The following IL6ST variants were observed in gnomAD, a reference collection of about 807,000 sequenced individuals.
The protein encoded by IL6ST is interleukin 6 cytokine family signal transducer.
Under a neutral mutation model 91.3 loss-of-function variants are expected in IL6ST, and 24 were observed. That is an observed-to-expected ratio of 0.26 (90% CI 0.19 to 0.37). The LOEUF (loss-of-function observed/expected upper bound fraction) is 0.37. Ranked by LOEUF, IL6ST falls within the 10% of genes least tolerant of loss-of-function variation. IL6ST has a pLI of 1.00. For missense variants in IL6ST, 914 were observed against 1,078.5 expected, an observed-to-expected ratio of 0.85 and a Z score of 2.14; for synonymous variants, 351 against 373.6, an observed-to-expected ratio of 0.94 and a Z score of 0.70.
rs568278913 is a variant in IL6ST, at chr5:55,980,404, G to T, written c.-16+2320C>A. 1.6e-3 allele frequency among the ~76,000 whole-genome samples: 247 copies of T among 152,234 alleles called. 1 individual carries two copies. Among genetic ancestry groups the T allele is most frequent in the Non-Finnish European group, 1.1e-3 (72 of 68,022 alleles). On this transcript the variant is annotated intron_variant, in intron 2 of 16. Coordinates refer to ENST00000381298, the MANE Select transcript of IL6ST (RefSeq NM_002184.4). Reference sequence around the variant, plus strand: ...GTCCATACTAAAAATACAAAAAGTAGCTGGGCGTGGTGGTGGGCACCTGTA... The same window carrying T: ...GTCCATACTAAAAATACAAAAAGTATCTGGGCGTGGTGGTGGGCACCTGTA...
chr5:55,967,425 A>G (rs1307169333), intron 5 of IL6ST, among the ~76,000 whole-genome samples: 1 of 151,940 alleles, frequency 6.6e-6, no homozygotes. Context: ...AATAGAACCT[A>G]TAATTTAAGA....
intron 3 of IL6ST, among the ~76,000 whole-genome samples, chr5:55,973,035 G>GA (rs1283687471): frequency 1.3e-5 from 2 of 149,384 alleles, no homozygotes; most frequent in East Asian, 3.9e-4. Context: ...AAAAAAAAAA[G>GA]AATATACTAT....
chr5:55,990,005 A>T (rs950082015), intron 1 of IL6ST, among the ~76,000 whole-genome samples: 4 of 152,200 alleles, frequency 2.6e-5, no homozygotes, highest in African/African-American at 9.7e-5. Flanking sequence ...AAACAAAAAA[A>T]GACTGAGCAG....
At chr5:55,947,753 C>A (rs980113901) in intron 14 of IL6ST, among the ~76,000 whole-genome samples, 164 bp from the exon 15 acceptor site, 4 of 151,870 alleles carry the variant, frequency 2.6e-5, no homozygotes, top group African/African-American at 9.7e-5. Context: ...TGATTTTTAC[C>A]CTCTTCTCTC....
rs1162645855 is a variant in IL6ST at position 55,941,704 on chromosome 5, T to C, written c.2135A>G (p.Asp712Gly). The C allele has an allele frequency of 6.2e-7, 1 of 1,614,040 alleles. No individual in the cohort carries two copies. Residue 712 changes from aspartate to glycine, a missense_variant, in exon 17 of 17, where the codon GAC becomes GGC. Physicochemically the swap from Asp to Gly is moderately conservative, Grantham distance 94. Transcript: ENST00000381298. ...ATTAATTTTTTCCTTTTTGAACAGGTCCAATGATTTCAGATCTTCTGGAAA... is the reference window on the plus strand; with the variant it reads ...ATTAATTTTTTCCTTTTTGAACAGGCCCAATGATTTCAGATCTTCTGGAAA... ...KPFPEDLKSL[D>G]LFKKEKINTE...
chr5:55,974,427 G>A (rs905042224), intron 3 of IL6ST, among the ~76,000 whole-genome samples: 4 of 152,138 alleles, frequency 2.6e-5, no homozygotes, highest in South Asian at 4.1e-4. Context: ...CCGGGTTCAA[G>A]TGACTCTCCC....
chr5:55,962,585 G>A (rs1752385564), intron 7 of IL6ST, among the ~76,000 whole-genome samples: 1 of 152,130 alleles, frequency 6.6e-6, no homozygotes, highest in South Asian at 2.1e-4. Flanking sequence ...TTGTGGGCCA[G>A]AGACTCTTTT....
At chr5:55,993,410 A>G (rs879794535) in intron 1 of IL6ST, among the ~76,000 whole-genome samples, 1 of 152,246 alleles carries the variant, frequency 6.6e-6, no homozygotes, top group Non-Finnish European at 1.5e-5. Context: ...ACTGAACTGA[A>G]GTGCAAAGCC....
chr5:55,985,926 G>C (rs1482049675), intron 1 of IL6ST, among the ~76,000 whole-genome samples: 2 of 152,110 alleles, frequency 1.3e-5, no homozygotes, highest in African/African-American at 4.8e-5. Flanking sequence ...AAACAGGGGT[G>C]GCTGTGTTCT....
chr5:55,947,613 A>G, intron 14 of IL6ST, 24 bp from the exon 15 acceptor site: 3 of 1,347,822 alleles, frequency 2.2e-6, no homozygotes, highest in Non-Finnish European at 3.1e-6. Context: ...AAAAAAAAAA[A>G]AAAAGAGGTG....
chr5:55,969,376 C>T (rs528022913), intron 4 of IL6ST, among the ~76,000 whole-genome samples, 174 bp downstream of exon 4: 31 of 152,140 alleles, frequency 2.0e-4, no homozygotes, highest in African/African-American at 7.5e-4. Context: ...GCTTGACTTT[C>T]AGGAAAGACA....
At chr5:55,957,044 G>A (rs768614430) in intron 9 of IL6ST, among the ~76,000 whole-genome samples, 165 bp downstream of exon 9, 4 of 151,912 alleles carry the variant, frequency 2.6e-5, no homozygotes, top group Admixed American at 6.6e-5. Flanking sequence ...TGTAGTCCCA[G>A]CTACTCAGGA....
chr5:55,954,620 C>T (rs1751847185), intron 11 of IL6ST, among the ~76,000 whole-genome samples, 190 bp downstream of exon 11: 1 of 152,152 alleles, frequency 6.6e-6, no homozygotes, highest in African/African-American at 2.4e-5. Flanking sequence ...ATTAACCCCA[C>T]TCTGTTCATA....
chr5:55,981,666 C>T (rs1044716285), intron 2 of IL6ST, among the ~76,000 whole-genome samples: 2 of 151,922 alleles, frequency 1.3e-5, no homozygotes, highest in African/African-American at 4.8e-5. Flanking sequence ...AAAAAATTGA[C>T]AGAATTGACA....
intron 3 of IL6ST, among the ~76,000 whole-genome samples, chr5:55,973,710 C>A (rs899709094): frequency 6.6e-6 from 1 of 152,162 alleles, no homozygotes; most frequent in African/African-American, 2.4e-5. Flanking sequence ...CTATACAAAT[C>A]ATGAGAGGTA....
At chr5:55,979,943 TA>T (rs1285954683) in intron 2 of IL6ST, among the ~76,000 whole-genome samples, 17 of 152,226 alleles carry the variant, frequency 1.1e-4, no homozygotes, top group African/African-American at 4.1e-4. Flanking sequence ...TGTAGCCATT[TA>T]AAAAAAATGA....
At chr5:55,979,397 CTG>C (rs779702336) in intron 2 of IL6ST, among the ~76,000 whole-genome samples, 1 of 152,154 alleles carries the variant, frequency 6.6e-6, no homozygotes, top group Non-Finnish European at 1.5e-5. Context: ...TGAGCATGTT[CTG>C]TATCTTGATC....
In IL6ST at chr5:55,969,775, C is replaced by T. The variant is rs1752854495; in HGVS notation, c.145G>A (p.Val49Met). The T allele has an allele frequency of 3.1e-6, 5 of 1,611,098 alleles. No homozygotes were observed. The East Asian group carries it at 6.7e-5, about 22-fold the overall frequency. The change falls in exon 4 of 17, where the codon GTG becomes ATG. Residue 49 changes from valine (V) to methionine (M), a missense_variant. Physicochemically the swap from Val to Met is conservative, Grantham distance 21. Transcript: ENST00000381298. ...QLHSNFTAVC[V>M]LKEKCMDYFH... Reference sequence around the variant, plus strand: ...TAATCCATACATTTTTCCTTTAGCACACAAACTGCAGTGAAATTAGAATGA... The same window carrying T: ...TAATCCATACATTTTTCCTTTAGCATACAAACTGCAGTGAAATTAGAATGA...
chr5:55,945,022 T>C (rs1751153458), intron 15 of IL6ST, among the ~76,000 whole-genome samples: 2 of 144,214 alleles, frequency 1.4e-5, no homozygotes, highest in Non-Finnish European at 3.0e-5. Context: ...TTCCGCTGTT[T>C]TAGCTGAGGA....
Sources: allele counts gnomAD v4.1 joint callset (sites outside exome capture counted in the v4.1 genomes callset), GRCh38; gene constraint gnomAD v4.1.1; transcripts MANE v1.5; gene names NCBI Gene and HGNC (gene_info 2026-07-23, HGNC 2026-07-21).